Variants in PAK5 observed in about 807,000 individuals in gnomAD.
The protein encoded by PAK5 is p21 (RAC1) activated kinase 5, also known as serine/threonine-protein kinase PAK 5.
A neutral mutation model predicts 65.9 loss-of-function variants in PAK5; 16 were observed. That is an observed-to-expected ratio of 0.24 (90% CI 0.16 to 0.37). PAK5 has a LOEUF of 0.37. PAK5 is among the 10% of genes least tolerant of loss of function. PAK5 has a pLI of 1.00. For synonymous variants in PAK5, 371 were observed against 354.9 expected (o/e 1.05, Z -0.51); for missense variants, 785 against 903.9 (o/e 0.87, Z 1.69).
intron 1 of PAK5, among the ~76,000 whole-genome samples, chr20:9,785,996 C>T (rs1410871699): frequency 6.6e-6 from 1 of 152,116 alleles, no homozygotes; most frequent in African/African-American, 2.4e-5. Context: ...GGGCTTCACG[C>T]TTCCCATCTG....
chr20:9,727,435 A>T (rs1012263325), intron 1 of PAK5, among the ~76,000 whole-genome samples: 3 of 152,198 alleles, frequency 2.0e-5, no homozygotes, highest in African/African-American at 4.8e-5. Flanking sequence ...CTTTGCAATC[A>T]ATAAATATCT....
chr20:9,669,519 G>A (rs1053156114), intron 2 of PAK5, among the ~76,000 whole-genome samples: 3 of 151,966 alleles, frequency 2.0e-5, no homozygotes, highest in African/African-American at 7.2e-5. Flanking sequence ...TAAAATTTGA[G>A]GTTTTTGTAG....
Position 9,711,266 on chromosome 20 carries a change from A to C in PAK5, c.-12+20T>G, listed in dbSNP as rs2048074129. On this transcript the variant is annotated intron_variant, in intron 2 of 9. Transcript: ENST00000353224. Reference sequence around the variant, plus strand: ...ATACATTTTAAAAGGACAAAACCATAAGGTAATTTATTCCCCTACCTTTAT... The same window carrying C: ...ATACATTTTAAAAGGACAAAACCATCAGGTAATTTATTCCCCTACCTTTAT... 1 of 152,164 alleles carries C rather than the reference A, an allele frequency of 6.6e-6. No homozygotes were observed. Among genetic ancestry groups the C allele is most frequent in the Non-Finnish European group, 1.5e-5 (1 of 68,018 alleles). The allele number at this position is 152,164 out of a possible 1,614,324, so 9.4% of individuals were successfully genotyped here.
chr20:9,739,449 T>A (rs2048427172), intron 1 of PAK5, among the ~76,000 whole-genome samples: 1 of 152,190 alleles, frequency 6.6e-6, no homozygotes, highest in Admixed American at 6.5e-5. Flanking sequence ...CTGGCTCTTC[T>A]AATATCATCC....
chr20:9,552,724 GT>G (rs11471167), intron 7 of PAK5, among the ~76,000 whole-genome samples: 124,728 of 141,272 alleles, frequency 0.88, 55,021 homozygotes, highest in Middle Eastern at 0.95. Flanking sequence ...AAATTTTTTA[GT>G]TTTTTTTTTT....
At chr20:9,707,680 C>T (rs925497185) in intron 2 of PAK5, among the ~76,000 whole-genome samples, 2 of 152,096 alleles carry the variant, frequency 1.3e-5, no homozygotes, top group Admixed American at 6.6e-5. Context: ...AGCCGTGCAT[C>T]CTTACACTTA....
At chr20:9,726,169 C>G (rs1054920429) in intron 1 of PAK5, among the ~76,000 whole-genome samples, 2 of 152,034 alleles carry the variant, frequency 1.3e-5, no homozygotes, top group Non-Finnish European at 2.9e-5. Flanking sequence ...AGCTTTTTAA[C>G]TTGGTTATTT....
intron 2 of PAK5, among the ~76,000 whole-genome samples, chr20:9,660,448 GCAGA>G (rs1356595048): frequency 6.6e-6 from 1 of 151,802 alleles, no homozygotes; most frequent in Non-Finnish European, 1.5e-5. Context: ...CAATAGGGAG[GCAGA>G]CAAAGATCCT....
chr20:9,753,902 C>T (rs888385941), intron 1 of PAK5, among the ~76,000 whole-genome samples: 1 of 152,104 alleles, frequency 6.6e-6, no homozygotes, highest in Non-Finnish European at 1.5e-5. Flanking sequence ...TTATTTTGTG[C>T]TTGGCTTCTC....
chr20:9,650,068 C>A (rs992886118), intron 2 of PAK5, among the ~76,000 whole-genome samples: 2 of 152,176 alleles, frequency 1.3e-5, no homozygotes, highest in African/African-American at 4.8e-5. Flanking sequence ...GTAGCCCTGG[C>A]AGCCTCTCTC....
chr20:9,812,338 C>T (rs1273457537), intron 1 of PAK5, among the ~76,000 whole-genome samples: 2 of 151,372 alleles, frequency 1.3e-5, no homozygotes, highest in Admixed American at 6.6e-5. Flanking sequence ...GAGACAATAT[C>T]ACCAGAGAAG....
At chr20:9,766,522 A>AAT (rs74209304) in intron 1 of PAK5, among the ~76,000 whole-genome samples, 691 of 34,796 alleles carry the variant, frequency 0.02, 138 homozygotes, top group African/African-American at 0.048. Flanking sequence ...ATTCAAGCAG[A>AAT]ATATATATAT....
At chr20:9,824,389 TA>T (rs1276404731) in intron 1 of PAK5, among the ~76,000 whole-genome samples, 3 of 151,852 alleles carry the variant, frequency 2.0e-5, no homozygotes, top group Admixed American at 6.6e-5. Context: ...CCCTGCCTCT[TA>T]AAAAAAAATT....
chr20:9,670,028 T>C (rs1363584354), intron 2 of PAK5, among the ~76,000 whole-genome samples: 1 of 152,138 alleles, frequency 6.6e-6, no homozygotes, highest in African/African-American at 2.4e-5. Flanking sequence ...GGTGTGTGGT[T>C]TTTTGTCCTT....
chr20:9,681,588 T>A (rs988673020), intron 2 of PAK5, among the ~76,000 whole-genome samples: 5 of 152,166 alleles, frequency 3.3e-5, no homozygotes, highest in African/African-American at 4.8e-5. Flanking sequence ...GCAACATAAA[T>A]CTTTATCTCT....
intron 3 of PAK5, among the ~76,000 whole-genome samples, chr20:9,636,842 G>A (rs2046988685): frequency 6.6e-6 from 1 of 152,200 alleles, no homozygotes; most frequent in African/African-American, 2.4e-5. Context: ...TGAAAGGCAA[G>A]TTGCAGAAGC....
chr20:9,582,181 T>A (rs542290510), intron 3 of PAK5, among the ~76,000 whole-genome samples: 1 of 152,240 alleles, frequency 6.6e-6, no homozygotes, highest in South Asian at 2.1e-4. Context: ...CTTGCATTGC[T>A]ATTAAGGAAA....
intron 1 of PAK5, among the ~76,000 whole-genome samples, chr20:9,766,910 GT>G (rs34227748): frequency 0.064 from 9,577 of 149,470 alleles, 418 homozygotes; most frequent in Non-Finnish European, 0.087. Context: ...TCATTAAAAT[GT>G]TTTTTTTTTT....
At chr20:9,725,576 T>A (rs1459960785) in intron 1 of PAK5, among the ~76,000 whole-genome samples, 1 of 152,202 alleles carries the variant, frequency 6.6e-6, no homozygotes, top group Non-Finnish European at 1.5e-5. Context: ...AGGAAAATTT[T>A]GAATAGAAGT....
Sources: allele counts gnomAD v4.1 joint callset (sites outside exome capture counted in the v4.1 genomes callset), GRCh38; gene constraint gnomAD v4.1.1; transcripts MANE v1.5; gene names NCBI Gene and HGNC (gene_info 2026-07-23, HGNC 2026-07-21).